Variants in ANKRD42 observed in about 807,000 individuals in gnomAD.
The protein encoded by ANKRD42 is ankyrin repeat domain-containing protein 42.
Under a neutral mutation model 51.5 loss-of-function variants are expected in ANKRD42, and 43 were observed. That is an observed-to-expected ratio of 0.83 (90% CI 0.65 to 1.08). The LOEUF is 1.08. ANKRD42 is among the 50% of genes least tolerant of loss of function. The pLI is 0.00. For synonymous variants in ANKRD42, 203 were observed against 213.0 expected, an observed-to-expected ratio of 0.95 and a Z score of 0.41; for missense variants, 608 against 629.3, an observed-to-expected ratio of 0.97 and a Z score of 0.36.
Position 83,227,645 on chromosome 11 carries a change from T to C in ANKRD42, c.788-102T>C. ...TGAACTCATCCGATTACAACAGCCTTATATTTGAGAAAATATTGAAACCTG... is the reference window on the plus strand; with the variant it reads ...TGAACTCATCCGATTACAACAGCCTCATATTTGAGAAAATATTGAAACCTG... On this transcript the variant is annotated intron_variant, in intron 6 of 10. Coordinates refer to ENST00000533342, the MANE Select transcript of ANKRD42 (RefSeq NM_001300975.2). 4.7e-6 allele frequency: 6 copies of C among 1,270,074 alleles called. No homozygotes were observed. The South Asian group carries it at 7.6e-5, about 16-fold the overall frequency. 78.7% of individuals were successfully genotyped at this position (1,270,074 alleles called of 1,614,324 possible). A position where few individuals can be genotyped will look rare whatever the true frequency, so the allele number is the denominator to read the frequency against.
chr11:83,239,568 A>G (rs954407238), intron 8 of ANKRD42, among the ~76,000 whole-genome samples: 2 of 152,184 alleles, frequency 1.3e-5, no homozygotes, highest in Non-Finnish European at 2.9e-5. Context: ...TAATTTTTGT[A>G]TATGATATGA....
At chr11:83,205,730 CT>C (rs1415155700) in intron 2 of ANKRD42, among the ~76,000 whole-genome samples, 13 of 152,250 alleles carry the variant, frequency 8.5e-5, no homozygotes, top group African/African-American at 3.1e-4. Flanking sequence ...TTTCTTTGGC[CT>C]GCACAGTATT....
intron 6 of ANKRD42, among the ~76,000 whole-genome samples, chr11:83,226,093 G>A (rs1229770058): frequency 6.6e-6 from 1 of 152,070 alleles, no homozygotes; most frequent in Non-Finnish European, 1.5e-5. Context: ...TGTTATTGTT[G>A]TATTGTTATT....
In ANKRD42 at chr11:83,236,481, G is replaced by C. The variant is rs762778625; in HGVS notation, c.991G>C (p.Gly331Arg). Residue 331 changes from glycine to arginine, a missense_variant, in exon 8 of 11, where the codon GGG (glycine) becomes CGG (arginine). Physicochemically the swap from Gly to Arg is moderately radical, Grantham distance 125 (BLOSUM62 -2). Coordinates refer to ENST00000533342, the MANE Select transcript of ANKRD42 (RefSeq NM_001300975.2). ...AGACAGTAATATTACCAACAAAGCA[G>C]GGGAGAGACCCAGTGATGTGGCAAA... ...GADSNITNKA[G>R]ERPSDVAKRF... is the part of the protein sequence containing the mutation. 1.2e-5 allele frequency: 19 copies of C among 1,611,476 alleles called. No homozygotes were observed. The East Asian group carries it at 4.2e-4, about 36-fold the overall frequency.
In ANKRD42 at chr11:83,219,707, G is replaced by C. The variant is rs7933226; in HGVS notation, c.587-5148G>C. Among the ~76,000 whole-genome samples the C allele has an allele frequency of 9.6e-3, 1,456 of 152,356 alleles. 28 individuals carry two copies. Among genetic ancestry groups the C allele is most frequent in the African/African-American group, 0.032 (1,350 of 41,584 alleles). ...TTAAGACCTGTGCCTATGCACCACA[G>C]ATTGTACTTGAGAGGCCCCAAGGAA... is the stretch of plus-strand genomic sequence containing the variant. On this transcript the variant is annotated intron_variant, in intron 5 of 10. Coordinates refer to ENST00000533342, the MANE Select transcript of ANKRD42 (RefSeq NM_001300975.2).
chr11:83,194,878 G>A (rs903502499), intron 1 of ANKRD42, 150 bp downstream of exon 1: 2 of 771,324 alleles, frequency 2.6e-6, no homozygotes, highest in Non-Finnish European at 4.1e-6. Flanking sequence ...TACCAAAGCT[G>A]TTCAGCTCTC....
rs895143887 is a variant in ANKRD42 at position 83,198,741 on chromosome 11, T to C, written c.222+99T>C. On this transcript the variant is annotated intron_variant, in intron 2 of 10. Transcript: ENST00000533342. ...CTGAGACCTTATGGTAGGTACTGCATATATTTTCTTTTCAGTCATAGTCAG... is the reference window on the plus strand; with the variant it reads ...CTGAGACCTTATGGTAGGTACTGCACATATTTTCTTTTCAGTCATAGTCAG... 3.6e-6 allele frequency: 4 copies of C among 1,109,086 alleles called. No individual in the cohort carries two copies. The African/African-American group carries it at 4.8e-5, about 13-fold the overall frequency. 68.7% of individuals were successfully genotyped at this position (1,109,086 alleles called of 1,614,324 possible).
chr11:83,245,377 C>T, intron 9 of ANKRD42, 121 bp from the exon 10 acceptor site: 4 of 1,054,692 alleles, frequency 3.8e-6, no homozygotes, highest in Admixed American at 5.7e-5. Context: ...TTCCTCCACC[C>T]CCCTCTCCAA....
At chr11:83,249,898 G>T (rs754609484), downstream of ANKRD42, among the ~76,000 whole-genome samples, 5 of 152,092 alleles carry the variant, frequency 3.3e-5, no homozygotes, top group Non-Finnish European at 4.4e-5. Context: ...ATGTTAAATG[G>T]AATATTGTGT....
At chr11:83,225,523 C>T (rs1862851652) in intron 6 of ANKRD42, among the ~76,000 whole-genome samples, 1 of 151,200 alleles carries the variant, frequency 6.6e-6, no homozygotes, top group Admixed American at 6.6e-5. Flanking sequence ...CGTGATTGTA[C>T]CTCTGCACTC....
At chr11:83,247,896 T>C (rs1313655860) in intron 10 of ANKRD42, 47 bp from the exon 11 acceptor site, 2 of 1,458,818 alleles carry the variant, frequency 1.4e-6, no homozygotes, top group Non-Finnish European at 1.9e-6. Context: ...AAAGTAATTA[T>C]TAGTTGACAT....
intron 7 of ANKRD42, among the ~76,000 whole-genome samples, chr11:83,229,641 A>G (rs1456474813): frequency 6.6e-6 from 1 of 152,186 alleles, no homozygotes; most frequent in African/African-American, 2.4e-5. Flanking sequence ...ACTGTTCTAC[A>G]ACAACAAGGT....
intron 3 of ANKRD42, chr11:83,209,583 C>G: frequency 2.2e-6 from 2 of 913,704 alleles, no homozygotes; most frequent in East Asian, 2.4e-5. Context: ...ATCCATGAAC[C>G]AGAACCTCAC....
chr11:83,245,555 A>C lies in ANKRD42; in HGVS notation c.1253A>C (p.Asn418Thr). ...LRHLLEIAES[N>T]YKHLGGITEE... ...CACCTCCTGGAAATTGCCGAGAGCA[A>C]CTATAAACACTTGGGAGGCATAACA... is the stretch of plus-strand genomic sequence containing the variant. The change falls in exon 10 of 11, where the codon AAC becomes ACC. Residue 418 changes from asparagine (N) to threonine (T), a missense_variant. Transcript: ENST00000533342. 6 of 1,536,732 alleles carry C rather than the reference A, an allele frequency of 3.9e-6. No individual in the cohort carries two copies. Among genetic ancestry groups the C allele is most frequent in the Non-Finnish European group, 4.4e-6 (5 of 1,147,032 alleles).
Position 83,248,705 on chromosome 11 carries a change from A to C in ANKRD42, c.*501A>C. On this transcript the variant is annotated 3_prime_UTR_variant, in exon 11 of 11. Coordinates refer to ENST00000533342, the MANE Select transcript of ANKRD42 (RefSeq NM_001300975.2). ...CTAGTCATTGGTCTCTTTAATAACC[A>C]CTTTAAAAATATTAAAATAATAAAA... The C allele has an allele frequency of 1.0e-6, 1 of 975,130 alleles. No individual in the cohort carries two copies. The highest frequency in any genetic ancestry group is 5.3e-4 in the Middle Eastern group (1 of 1,896). The allele number at this position is 975,130 out of a possible 1,614,324, so 60.4% of individuals were successfully genotyped here.
intron 5 of ANKRD42, chr11:83,213,573 T>A: frequency 8.4e-7 from 1 of 1,187,594 alleles, no homozygotes; most frequent in African/African-American, 1.6e-5. Flanking sequence ...TTAGTTTTAG[T>A]CTTTCTGATG....
chr11:83,247,724 T>G (rs1863584996), intron 10 of ANKRD42, among the ~76,000 whole-genome samples: 1 of 152,228 alleles, frequency 6.6e-6, no homozygotes, highest in Non-Finnish European at 1.5e-5. Context: ...ATTACTAAAG[T>G]AAGGTCCAGG....
intron 7 of ANKRD42, among the ~76,000 whole-genome samples, chr11:83,235,242 A>G (rs1382109732): frequency 6.6e-6 from 1 of 152,216 alleles, no homozygotes; most frequent in Non-Finnish European, 1.5e-5. Flanking sequence ...GAGTTTGGGA[A>G]TAGGAATTGA....
chr11:83,237,921 G>A (rs950213204), intron 8 of ANKRD42, among the ~76,000 whole-genome samples: 11 of 152,076 alleles, frequency 7.2e-5, no homozygotes, highest in Non-Finnish European at 1.6e-4. Context: ...ACGCTGATCT[G>A]CTTCCTGTCA....
Sources: gnomAD v4.1 joint callset for allele counts (sites outside exome capture counted in the v4.1 genomes callset) on GRCh38, gnomAD v4.1.1 for gene constraint, MANE v1.5 for transcripts, NCBI Gene and HGNC (gene_info 2026-07-23, HGNC 2026-07-21) for gene names.